The following SMG7 variants were observed in gnomAD, a reference collection of about 807,000 sequenced individuals.
The protein encoded by SMG7 is SMG7 nonsense mediated mRNA decay factor, also known as nonsense-mediated mRNA decay factor SMG7.
A neutral mutation model predicts 148.2 loss-of-function variants in SMG7; 34 were observed. The ratio of observed to expected loss-of-function variants is 0.23; its 90% confidence interval spans 0.17 to 0.31. The LOEUF is 0.31. SMG7 is among the 10% of genes least tolerant of loss of function. SMG7 has a pLI of 1.00. For synonymous variants in SMG7, 492 were observed against 515.1 expected, an observed-to-expected ratio of 0.96 and a Z score of 0.61; for missense variants, 1,114 against 1,408.4, an observed-to-expected ratio of 0.79 and a Z score of 3.35.
At chr1:183,511,885 G>A (rs1662235052) in intron 1 of SMG7, among the ~76,000 whole-genome samples, 1 of 152,166 alleles carries the variant, frequency 6.6e-6, no homozygotes, top group South Asian at 2.1e-4. Context: ...TAGGGGTTTG[G>A]GAGAAAGTTG....
At chr1:183,480,223 G>C (rs910049564) in intron 1 of SMG7, among the ~76,000 whole-genome samples, 3 of 151,832 alleles carry the variant, frequency 2.0e-5, no homozygotes, top group East Asian at 3.9e-4. Context: ...TCCCTTTACC[G>C]ATCTTACTTT....
chr1:183,547,159 G>C lies in SMG7; in HGVS notation c.2799G>C (p.Leu933Phe). 2.6e-6 allele frequency: 4 copies of C among 1,550,386 alleles called. No homozygotes were observed. The South Asian group carries it at 4.8e-5, about 18-fold the overall frequency. The change falls in exon 18 of 23, where the codon TTG becomes TTC. Residue 933 changes from leucine to phenylalanine, a missense_variant. Around this residue, in one of 4 missense-constraint regions of SMG7, gnomAD observed 788 missense variants for 894.5 expected, o/e 0.88. Transcript: ENST00000688051. ...ACCTGTTAAAGAGTCTGGCTGCCTT[G>C]GAGGAAGAGGAAGAGCTGATTTTTT... ...PPDLLKSLAA[L>F]EEEEELIFSN...
chr1:183,507,465 G>A (rs1326087188), intron 1 of SMG7, among the ~76,000 whole-genome samples: 1 of 152,064 alleles, frequency 6.6e-6, no homozygotes, highest in African/African-American at 2.4e-5. Context: ...ATACTCTGGA[G>A]CCATATTGAT....
intron 4 of SMG7, among the ~76,000 whole-genome samples, chr1:183,521,036 A>G (rs1372199278): frequency 3.3e-5 from 5 of 151,284 alleles, no homozygotes; most frequent in Non-Finnish European, 5.9e-5. Flanking sequence ...TCACATTATG[A>G]TATCAGTTAA....
rs1671364769 is a variant in SMG7 at position 183,553,425 on chromosome 1, T to A, written c.*1494T>A. On this transcript the variant is annotated 3_prime_UTR_variant, in exon 23 of 23. Coordinates refer to ENST00000688051, the MANE Select transcript of SMG7 (RefSeq NM_001375584.1). ...GTTTGTGTACACACACGTGCCCATC[T>A]GCTGTCCCAGAGGGGAGGGGTTGTG... 1.9e-6 allele frequency: 1 copy of A among 524,622 alleles called. No homozygotes were observed. The highest frequency in any genetic ancestry group is 3.4e-5 in the East Asian group (1 of 29,148). 32.5% of individuals were successfully genotyped at this position (524,622 alleles called of 1,614,324 possible).
chr1:183,477,264 C>T (rs1022109935), intron 1 of SMG7, among the ~76,000 whole-genome samples: 3 of 152,188 alleles, frequency 2.0e-5, no homozygotes, highest in Admixed American at 1.3e-4. Flanking sequence ...AACTTTCCTC[C>T]TTTTCTTCCT....
rs576631274 is a variant in SMG7 at position 183,527,656 on chromosome 1, G to A, written c.485-300G>A. On this transcript the variant is annotated intron_variant, in intron 5 of 22. Transcript: ENST00000688051. The surrounding 1 kb of genome is among the most constrained non-coding windows in gnomAD (Gnocchi z 4.0). ...TATAACTCACCCCTTCTTGTGGGCC[G>A]GCTCCAGGTCACCAGCATAGTCCAT... 6 of 501,914 alleles carry A rather than the reference G, an allele frequency of 1.2e-5. No homozygotes were observed. Among genetic ancestry groups the A allele is most frequent in the East Asian group, 5.8e-5 (1 of 17,120 alleles). The allele number at this position is 501,914 out of a possible 1,614,324, so 31.1% of individuals were successfully genotyped here. A position where few individuals can be genotyped will look rare whatever the true frequency, so the allele number is the denominator to read the frequency against.
intron 1 of SMG7, among the ~76,000 whole-genome samples, chr1:183,494,705 A>T (rs190837543): frequency 5.1e-5 from 6 of 118,762 alleles, no homozygotes; most frequent in Admixed American, 3.4e-4. Flanking sequence ...ATGTTATTCT[A>T]TTATCTTCTG....
intron 1 of SMG7, among the ~76,000 whole-genome samples, chr1:183,486,778 A>G (rs1385697194): frequency 1.4e-5 from 2 of 144,454 alleles, no homozygotes; most frequent in African/African-American, 2.6e-5. Flanking sequence ...ATTCACAGCA[A>G]CCTCTACCTC....
intron 1 of SMG7, among the ~76,000 whole-genome samples, chr1:183,512,288 G>A (rs1244502606): frequency 6.6e-6 from 1 of 152,138 alleles, no homozygotes; most frequent in South Asian, 2.1e-4. Flanking sequence ...AATAAGAGGT[G>A]CAATACCTCT....
rs1662517714 is a variant in SMG7, at chr1:183,512,942, T to C, written c.61+74T>C. ...TAATGGAAGGATATCCTCTTTCTTATATTATGCACAGCACTAAATCCCATC... is the reference window on the plus strand; with the variant it reads ...TAATGGAAGGATATCCTCTTTCTTACATTATGCACAGCACTAAATCCCATC... On this transcript the variant is annotated intron_variant, in intron 2 of 22. Transcript: ENST00000688051. The C allele has an allele frequency of 8.8e-6, 12 of 1,357,076 alleles. No homozygotes were observed. The East Asian group carries it at 1.2e-4, about 14-fold the overall frequency. The allele number at this position is 1,357,076 out of a possible 1,614,324, so 84.1% of individuals were successfully genotyped here.
chr1:183,521,945 C>T (rs147915684), intron 4 of SMG7, among the ~76,000 whole-genome samples: 14 of 151,380 alleles, frequency 9.2e-5, no homozygotes, highest in Admixed American at 4.6e-4. Context: ...CATTTTTAAA[C>T]GATAACCCTG....
At chr1:183,479,714 A>G (rs1653602914) in intron 1 of SMG7, among the ~76,000 whole-genome samples, 1 of 152,202 alleles carries the variant, frequency 6.6e-6, no homozygotes, top group African/African-American at 2.4e-5. Flanking sequence ...TGGCAAATTA[A>G]AAGAAAGACA....
At chr1:183,490,747 C>T (rs923841265) in intron 1 of SMG7, among the ~76,000 whole-genome samples, 1 of 152,014 alleles carries the variant, frequency 6.6e-6, no homozygotes, top group African/African-American at 2.4e-5. Context: ...ATAACCATCA[C>T]CCTGATCAAG....
chr1:183,533,402 G>A (rs1667200443), intron 9 of SMG7, 76 bp downstream of exon 9: 2 of 1,424,966 alleles, frequency 1.4e-6, no homozygotes, highest in African/African-American at 1.4e-5. Flanking sequence ...ATGTAGCAAA[G>A]CACAGTGACA....
intron 6 of SMG7, among the ~76,000 whole-genome samples, 177 bp from the exon 7 acceptor site, chr1:183,528,715 G>A (rs1666340819): frequency 6.6e-6 from 1 of 152,206 alleles, no homozygotes; most frequent in African/African-American, 2.4e-5. Context: ...ATATGATAGT[G>A]TGTACTGTCG....
chr1:183,514,008 C>T lies in SMG7; in HGVS notation c.61+1140C>T, dbSNP rs569624815. Among the ~76,000 whole-genome samples, 12 of 122,730 alleles carry T rather than the reference C, an allele frequency of 9.8e-5. 1 individual carries two copies. In the South Asian group the frequency reaches 2.0e-3, roughly 20 times the overall value. 80.5% of individuals were successfully genotyped at this position (122,730 alleles called of 152,430 possible). A position where few individuals can be genotyped will look rare whatever the true frequency, so the allele number is the denominator to read the frequency against. On this transcript the variant is annotated intron_variant, in intron 2 of 22. Coordinates refer to ENST00000688051, the MANE Select transcript of SMG7 (RefSeq NM_001375584.1). ...TCAAACCCCTGCACTCCAGCCTGGG[C>T]GACAGAAAAAGACTCCGTCTCAAAA...
At chr1:183,538,959 C>T (rs1339777338) in intron 12 of SMG7, among the ~76,000 whole-genome samples, 1 of 151,912 alleles carries the variant, frequency 6.6e-6, no homozygotes, top group Non-Finnish European at 1.5e-5. Context: ...TCCTGGCTAA[C>T]CCGGTGAAAC....
At chr1:183,532,229 G>A in intron 8 of SMG7, among the ~76,000 whole-genome samples, 1 of 152,146 alleles carries the variant, frequency 6.6e-6, no homozygotes, top group East Asian at 1.9e-4. Flanking sequence ...TGGTAGAACT[G>A]TAAGTAAGGA....
Sources: allele counts gnomAD v4.1 joint callset (sites outside exome capture counted in the v4.1 genomes callset), GRCh38; gene constraint gnomAD v4.1.1; regional missense constraint gnomAD v4.1.1; non-coding constraint Gnocchi (gnomAD v3.1); transcripts MANE v1.5; gene names NCBI Gene and HGNC (gene_info 2026-07-23, HGNC 2026-07-21).